C12orf42: variants seen among roughly 807,000 people sequenced by gnomAD.
C12orf42 encodes chromosome 12 open reading frame 42.
In C12orf42, 25 loss-of-function variants were observed where a neutral mutation model predicts 21.6. The ratio of observed to expected loss-of-function variants is 1.16; its 90% CI spans 0.84 to 1.62. The LOEUF (loss-of-function observed/expected upper bound fraction) is 1.62. Among genes scored for constraint, C12orf42 ranks in the 40% most tolerant of loss-of-function variants. The pLI, the probability that C12orf42 is intolerant of heterozygous loss-of-function variation, is 0.00. For missense variants in C12orf42, 483 were observed against 459.3 expected (o/e 1.05, Z -0.47); for synonymous variants, 174 against 175.0 (o/e 0.99, Z 0.05).
chr12:103,419,812 G>A (rs528599420), intron 2 of C12orf42, among the ~76,000 whole-genome samples: 2 of 152,200 alleles, frequency 1.3e-5, no homozygotes, highest in East Asian at 3.9e-4. Flanking sequence ...GCTTCCTGGG[G>A]CCCGAACCCT....
the C12orf42 span, among the ~76,000 whole-genome samples, chr12:103,532,161 A>T: frequency 6.6e-6 from 1 of 152,192 alleles, no homozygotes; most frequent in Non-Finnish European, 1.5e-5. Context: ...AAAGAACAAA[A>T]GTTTAAAGCT....
intron 10 of C12orf42, among the ~76,000 whole-genome samples, chr12:103,249,060 A>G (rs2034149659): frequency 6.6e-6 from 1 of 151,994 alleles, no homozygotes; most frequent in Non-Finnish European, 1.5e-5. Flanking sequence ...ATGTGTTGCC[A>G]TAGAGATGAC....
At chr12:103,251,074 T>C (rs1458507227) in intron 10 of C12orf42, among the ~76,000 whole-genome samples, 2 of 152,146 alleles carry the variant, frequency 1.3e-5, no homozygotes, top group East Asian at 3.9e-4. Flanking sequence ...AACTGTGATA[T>C]GCCATTCACT....
At chr12:103,182,792 A>G in the C12orf42 span, among the ~76,000 whole-genome samples, 1 of 152,268 alleles carries the variant, frequency 6.6e-6, no homozygotes, top group Non-Finnish European at 1.5e-5. Flanking sequence ...TACTGCTGAT[A>G]TCTCCCAATA....
the C12orf42 span, among the ~76,000 whole-genome samples, chr12:103,530,283 G>A: frequency 6.1e-4 from 93 of 152,308 alleles, no homozygotes; most frequent in African/African-American, 2.1e-3. Context: ...CATGGAGCCC[G>A]GCTGACTTAT....
At chr12:103,132,133 T>C in the C12orf42 span, among the ~76,000 whole-genome samples, 1 of 152,142 alleles carries the variant, frequency 6.6e-6, no homozygotes, top group Non-Finnish European at 1.5e-5. Flanking sequence ...CTGAGACACA[T>C]GACTTCAAGA....
chr12:103,449,196 G>T (rs1222906352), intron 2 of C12orf42, among the ~76,000 whole-genome samples: 1 of 152,022 alleles, frequency 6.6e-6, no homozygotes, highest in Non-Finnish European at 1.5e-5. Context: ...CAGAAACCTG[G>T]ATGGAATCAG....
chr12:103,517,058 T>G, the C12orf42 span, among the ~76,000 whole-genome samples: 6 of 152,178 alleles, frequency 3.9e-5, no homozygotes, highest in Non-Finnish European at 7.4e-5. Flanking sequence ...TTCTCTGCAC[T>G]GTGGTAACAT....
At chr12:103,103,624 CA>C in the C12orf42 span, among the ~76,000 whole-genome samples, 122 of 152,114 alleles carry the variant, frequency 8.0e-4, 1 homozygote, top group East Asian at 0.023. Context: ...ATTTTGAGCC[CA>C]ATATTTTTTT....
At chr12:103,404,737 G>A (rs772841772) in intron 2 of C12orf42, among the ~76,000 whole-genome samples, 42 of 152,144 alleles carry the variant, frequency 2.8e-4, no homozygotes, top group Non-Finnish European at 5.1e-4. Context: ...AAAGAAATAC[G>A]GTTACAGCCC....
chr12:103,400,528 A>G (rs1460377615), intron 3 of C12orf42, among the ~76,000 whole-genome samples: 6 of 152,216 alleles, frequency 3.9e-5, no homozygotes, highest in Non-Finnish European at 5.9e-5. Flanking sequence ...ACATATAACT[A>G]ATGAAACACC....
the C12orf42 span, among the ~76,000 whole-genome samples, chr12:103,509,061 T>C: frequency 6.6e-6 from 1 of 152,210 alleles, no homozygotes; most frequent in Non-Finnish European, 1.5e-5. Context: ...TTGCTCAAGG[T>C]GTGCAGCTAA....
the C12orf42 span, among the ~76,000 whole-genome samples, chr12:103,223,634 T>C: frequency 4.6e-5 from 7 of 152,140 alleles, no homozygotes; most frequent in African/African-American, 1.7e-4. Context: ...GCAGGGCATT[T>C]ATGAGTAGTT....
intron 2 of C12orf42, among the ~76,000 whole-genome samples, chr12:103,403,688 G>C (rs2048206267): frequency 6.6e-6 from 1 of 152,180 alleles, no homozygotes; most frequent in African/African-American, 2.4e-5. Context: ...CATTTACAAA[G>C]CAAGAATCAC....
At chr12:103,275,949 T>C (rs2035747771) in intron 5 of C12orf42, among the ~76,000 whole-genome samples, 1 of 152,160 alleles carries the variant, frequency 6.6e-6, no homozygotes, top group African/African-American at 2.4e-5. Flanking sequence ...GGCATGCTCC[T>C]GTAATCCCTA....
At chr12:103,255,804 CA>C (rs2034533454) in intron 10 of C12orf42, among the ~76,000 whole-genome samples, 1 of 151,340 alleles carries the variant, frequency 6.6e-6, no homozygotes, top group Admixed American at 6.6e-5. Flanking sequence ...GTAATCCCAG[CA>C]CTTTGGGAGG....
downstream of C12orf42, among the ~76,000 whole-genome samples, chr12:103,263,615 C>G (rs942448009): frequency 1.3e-5 from 2 of 152,138 alleles, no homozygotes; most frequent in Non-Finnish European, 2.9e-5. Flanking sequence ...CTCCTCTGCT[C>G]TCCTTCCACA....
chr12:103,353,385 G>C (rs1239318677), intron 4 of C12orf42, among the ~76,000 whole-genome samples: 1 of 152,000 alleles, frequency 6.6e-6, no homozygotes, highest in Non-Finnish European at 1.5e-5. Flanking sequence ...GATTAATCCA[G>C]CATGCTAAGG....
chr12:103,211,855 C>T, the C12orf42 span, among the ~76,000 whole-genome samples: 3 of 152,142 alleles, frequency 2.0e-5, no homozygotes, highest in Non-Finnish European at 4.4e-5. Flanking sequence ...ATATATGTTG[C>T]AAATATTTTT....
Sources: allele counts gnomAD v4.1 joint callset (sites outside exome capture counted in the v4.1 genomes callset), GRCh38; gene constraint gnomAD v4.1.1; transcripts MANE v1.5; gene names NCBI Gene and HGNC (gene_info 2026-07-23, HGNC 2026-07-21).